Variants in SBF2 observed in about 807,000 individuals in gnomAD.
SBF2 encodes myotubularin-related protein 13.
In SBF2, 112 loss-of-function variants were observed where a neutral mutation model predicts 225.2. The ratio of observed to expected loss-of-function variants is 0.50; its 90% CI spans 0.43 to 0.58. The LOEUF (loss-of-function observed/expected upper bound fraction) is 0.58. Among genes scored for constraint, SBF2 ranks in the 20% least tolerant of loss-of-function variants. The probability of loss-of-function intolerance (pLI) is 0.00; values close to 1 mark genes in which losing one functional copy is unlikely to be tolerated. For missense variants in SBF2, 1,996 were observed against 2,206.2 expected, an observed-to-expected ratio of 0.90 and a Z score of 1.91; for synonymous variants, 763 against 773.3, an observed-to-expected ratio of 0.99 and a Z score of 0.22.
chr11:9,809,519 T>C (rs1468310213), intron 30 of SBF2, among the ~76,000 whole-genome samples: 60 of 151,608 alleles, frequency 4.0e-4, no homozygotes, highest in Non-Finnish European at 1.6e-4. Context: ...TGTTTTTCCA[T>C]GATGTAGTAA....
At chr11:9,868,150 C>A (rs955438222) in intron 17 of SBF2, among the ~76,000 whole-genome samples, 1 of 151,710 alleles carries the variant, frequency 6.6e-6, no homozygotes, top group Non-Finnish European at 1.5e-5. Flanking sequence ...AATAAAAATT[C>A]TTTAATATCA....
Position 9,808,792 on chromosome 11 carries a change from C to T in SBF2, c.4257+109G>A, listed in dbSNP as rs1237950596. ...GGTGCTGTTTAACACAGGACTTTCT[C>T]TGTCCATAAACACATTAGTCATTAT... On this transcript the variant is annotated intron_variant, in intron 31 of 39. Coordinates refer to ENST00000256190, the MANE Select transcript of SBF2 (RefSeq NM_030962.4). The T allele has an allele frequency of 1.9e-5, 16 of 832,356 alleles. No homozygotes were observed. In the Admixed American group the frequency reaches 1.9e-4, roughly 10 times the overall value. The allele number at this position is 832,356 out of a possible 1,614,324, so 51.6% of individuals were successfully genotyped here. A position where few individuals can be genotyped will look rare whatever the true frequency, so the allele number is the denominator to read the frequency against.
chr11:10,106,065 T>A (rs1018612066), intron 2 of SBF2, among the ~76,000 whole-genome samples: 7 of 152,214 alleles, frequency 4.6e-5, no homozygotes, highest in African/African-American at 1.7e-4. Flanking sequence ...AGGAGGTATA[T>A]GTGCAGGTTT....
At chr11:10,247,692 T>C (rs1001309263) in intron 1 of SBF2, among the ~76,000 whole-genome samples, 6 of 151,912 alleles carry the variant, frequency 3.9e-5, no homozygotes, top group South Asian at 2.1e-4. Flanking sequence ...CAAGACTCCA[T>C]TGCAAAAAAA....
Position 9,829,347 on chromosome 11 carries a change from A to C in SBF2, c.3793+9T>G. 6.2e-7 allele frequency: 1 copy of C among 1,614,038 alleles called. No individual in the cohort carries two copies. The highest frequency in any genetic ancestry group is 2.2e-5 in the East Asian group (1 of 44,868). Reference sequence around the variant, plus strand: ...AGCTGTCAAGAAGAAAAGTATTATCAAATCTTACCTGGAGATAGAGCAAAG... The same window carrying C: ...AGCTGTCAAGAAGAAAAGTATTATCCAATCTTACCTGGAGATAGAGCAAAG... On this transcript the variant is annotated intron_variant, in intron 28 of 39. Transcript: ENST00000256190.
At chr11:10,002,434 A>T (rs1948009828) in intron 7 of SBF2, 123 bp downstream of exon 7, 1 of 793,468 alleles carries the variant, frequency 1.3e-6, no homozygotes, top group African/African-American at 1.8e-5. Context: ...GACTCATATA[A>T]CAGCATAACT....
chr11:10,301,137 A>T (rs545745514), intron 1 of SBF2, among the ~76,000 whole-genome samples: 1 of 152,352 alleles, frequency 6.6e-6, no homozygotes, highest in African/African-American at 2.4e-5. Flanking sequence ...TATGCCCTAA[A>T]GAGGGAGGTT....
chr11:10,207,081 G>A (rs1296714651), intron 1 of SBF2, among the ~76,000 whole-genome samples: 1 of 152,022 alleles, frequency 6.6e-6, no homozygotes, highest in Admixed American at 6.6e-5. Flanking sequence ...AAACAAAGAA[G>A]TCTTGAAAGA....
chr11:10,166,790 C>G (rs1255375723), intron 2 of SBF2, among the ~76,000 whole-genome samples: 1 of 152,002 alleles, frequency 6.6e-6, no homozygotes, highest in African/African-American at 2.4e-5. Flanking sequence ...TCACAAAACC[C>G]ATCTCTACTA....
At chr11:10,182,550 T>C (rs1339792240) in intron 2 of SBF2, among the ~76,000 whole-genome samples, 2 of 151,390 alleles carry the variant, frequency 1.3e-5, no homozygotes, top group African/African-American at 2.4e-5. Flanking sequence ...ATCACCTGAC[T>C]TTTTTTTTGT....
chr11:10,107,253 A>G (rs1362968935), intron 2 of SBF2, among the ~76,000 whole-genome samples: 1 of 152,242 alleles, frequency 6.6e-6, no homozygotes, highest in Admixed American at 6.5e-5. Flanking sequence ...CCAAAAAACT[A>G]AAACAACCGA....
chr11:10,171,957 G>T (rs1056122577), intron 2 of SBF2, among the ~76,000 whole-genome samples: 3 of 152,054 alleles, frequency 2.0e-5, no homozygotes, highest in Admixed American at 1.3e-4. Context: ...AGCCACTAAT[G>T]GTCCTTTGAA....
At chr11:10,244,373 T>C (rs1184270609) in intron 1 of SBF2, among the ~76,000 whole-genome samples, 1 of 152,240 alleles carries the variant, frequency 6.6e-6, no homozygotes, top group Non-Finnish European at 1.5e-5. Flanking sequence ...GTGAACAGAC[T>C]GTTCTTTCCT....
intron 33 of SBF2, among the ~76,000 whole-genome samples, chr11:9,792,429 C>CA (rs763276221): frequency 0.038 from 4,766 of 125,782 alleles, 258 homozygotes; most frequent in African/African-American, 0.12. Flanking sequence ...GACTCCATCT[C>CA]AAAAAAAAAA....
chr11:9,794,916 T>C (rs1853024535), intron 33 of SBF2, among the ~76,000 whole-genome samples: 1 of 152,094 alleles, frequency 6.6e-6, no homozygotes. Context: ...TACTAGACAA[T>C]TTCAATAGGA....
At chr11:10,213,720 T>G (rs906530150) in intron 1 of SBF2, among the ~76,000 whole-genome samples, 11 of 152,144 alleles carry the variant, frequency 7.2e-5, no homozygotes, top group African/African-American at 2.7e-4. Context: ...TACAGCATCT[T>G]TAAGCATCAC....
intron 6 of SBF2, among the ~76,000 whole-genome samples, chr11:10,021,220 G>A (rs746452186): frequency 2.8e-4 from 43 of 152,140 alleles, no homozygotes; most frequent in Non-Finnish European, 4.4e-4. Flanking sequence ...AATTACAGGT[G>A]AACAGACATG....
chr11:10,247,063 T>C (rs546149068), intron 1 of SBF2, among the ~76,000 whole-genome samples: 11 of 152,180 alleles, frequency 7.2e-5, no homozygotes, highest in African/African-American at 2.6e-4. Flanking sequence ...CTAGGTGACA[T>C]AAATAAGACC....
chr11:10,066,831 CAA>C (rs1401674415), intron 2 of SBF2, among the ~76,000 whole-genome samples: 1 of 152,096 alleles, frequency 6.6e-6, no homozygotes, highest in East Asian at 1.9e-4. Context: ...GAAAAATCTA[CAA>C]AGAGTGGACT....
Sources: gnomAD v4.1 joint callset for allele counts (sites outside exome capture counted in the v4.1 genomes callset) on GRCh38, gnomAD v4.1.1 for gene constraint, MANE v1.5 for transcripts, NCBI Gene and HGNC (gene_info 2026-07-23, HGNC 2026-07-21) for gene names.